EPRS1: variants seen among roughly 807,000 people sequenced by gnomAD.
EPRS1 encodes the protein bifunctional glutamate/proline--tRNA ligase.
In EPRS1, 107 loss-of-function variants were observed where a neutral mutation model predicts 188.3. The observed-to-expected ratio is 0.57, with a 90% CI of 0.49 to 0.67. EPRS1 has a LOEUF of 0.67. Ranked by LOEUF, EPRS1 falls within the 30% of genes least tolerant of loss-of-function variation. The pLI is 0.00. For missense variants in EPRS1, 1,577 were observed against 1,802.2 expected (o/e 0.88, Z 2.26); for synonymous variants, 596 against 593.1 (o/e 1.00, Z -0.07).
At chr1:220,020,567 T>A (rs1661850553) in intron 9 of EPRS1, among the ~76,000 whole-genome samples, 1 of 151,720 alleles carries the variant, frequency 6.6e-6, no homozygotes, top group South Asian at 2.1e-4. Flanking sequence ...TTTAAGGAAA[T>A]TTAGCTTTTG....
chr1:219,977,017 G>T (rs556490454), intron 28 of EPRS1, among the ~76,000 whole-genome samples: 6 of 152,032 alleles, frequency 3.9e-5, no homozygotes, highest in Non-Finnish European at 7.4e-5. Context: ...CTGGGTTCTG[G>T]CCTCACAATC....
At chr1:220,042,292 GGA>G (rs1392450677) in intron 1 of EPRS1, among the ~76,000 whole-genome samples, 1 of 151,050 alleles carries the variant, frequency 6.6e-6, no homozygotes, top group Non-Finnish European at 1.5e-5. Context: ...AGACCAGCCT[GGA>G]CAACATGGTG....
At chr1:219,969,370 A>G (rs2102556626) in intron 30 of EPRS1, 1 of 459,742 alleles carries the variant, frequency 2.2e-6, no homozygotes, top group East Asian at 3.8e-5. Context: ...ACATCTTTGC[A>G]GTACCCTCAA....
chr1:220,005,391 T>C (rs768484581), intron 15 of EPRS1, 31 bp from the exon 16 acceptor site: 2 of 1,117,572 alleles, frequency 1.8e-6, no homozygotes, highest in South Asian at 2.8e-5. Flanking sequence ...AAAGTACACT[T>C]TCTCAAAATC....
At chr1:220,021,101 T>C (rs1430901826) in intron 9 of EPRS1, among the ~76,000 whole-genome samples, 7 of 151,956 alleles carry the variant, frequency 4.6e-5, no homozygotes. Context: ...CAGGCTGGTC[T>C]CAAACTCCTG....
chr1:219,982,668 C>T (rs1660921411), intron 23 of EPRS1, 104 bp downstream of exon 23: 3 of 843,106 alleles, frequency 3.6e-6, no homozygotes, highest in Non-Finnish European at 5.9e-6. Flanking sequence ...GTTATATCGT[C>T]AACAGAGATT....
At position 219,968,680 on chromosome 1, in the gene EPRS1, C is replaced by T. The variant is rs148290712; in HGVS notation, c.*126G>A. ...TTAACTTAGGCATAAGAATAATTGT[C>T]CTGTGTGACTTCATTTTAGAACTTT... On this transcript the variant is annotated 3_prime_UTR_variant, in exon 32 of 32. Transcript: ENST00000366923. 789 of 869,202 alleles carry T rather than the reference C, an allele frequency of 9.1e-4. 6 individuals carry two copies. In the African/African-American group the frequency reaches 0.013, roughly 14 times the overall value. 53.8% of individuals were successfully genotyped at this position (869,202 alleles called of 1,614,324 possible). A position where few individuals can be genotyped will look rare whatever the true frequency, so the allele number is the denominator to read the frequency against.
chr1:220,008,175 T>TA (rs1193821828), intron 13 of EPRS1, among the ~76,000 whole-genome samples: 2 of 136,810 alleles, frequency 1.5e-5, no homozygotes, highest in African/African-American at 5.6e-5. Flanking sequence ...AAGGAGAAAA[T>TA]AAGTCATTCT....
intron 18 of EPRS1, among the ~76,000 whole-genome samples, chr1:219,991,004 A>C (rs1386871530): frequency 6.6e-6 from 1 of 152,216 alleles, no homozygotes; most frequent in African/African-American, 2.4e-5. Context: ...TGAGAAAAGA[A>C]ACAACCTATA....
intron 28 of EPRS1, 133 bp from the exon 29 acceptor site, chr1:219,973,531 G>GA (rs34026037): frequency 0.36 from 124,726 of 350,642 alleles, 15,544 homozygotes; most frequent in South Asian, 0.39. Flanking sequence ...AAAAACAAGA[G>GA]AAAAAAAAAA....
At chr1:219,982,406 T>C (rs1441353301) in intron 23 of EPRS1, 1 of 159,676 alleles carries the variant, frequency 6.3e-6, no homozygotes, top group Non-Finnish European at 1.4e-5. Context: ...AATGCAAACC[T>C]AAATGTATTA....
chr1:220,018,841 A>T (rs1334979841), intron 11 of EPRS1, among the ~76,000 whole-genome samples, 154 bp downstream of exon 11: 2 of 112,392 alleles, frequency 1.8e-5, no homozygotes, highest in African/African-American at 6.0e-5. Context: ...AAAAAAAAAA[A>T]GTTTGTTTTA....
At chr1:219,978,769 G>A (rs776484074) in intron 27 of EPRS1, 50 bp from the exon 28 acceptor site, 2 of 1,448,186 alleles carry the variant, frequency 1.4e-6, no homozygotes, top group Non-Finnish European at 1.9e-6. Context: ...AGATATAGAA[G>A]TAATGAGCTC....
At chr1:219,983,616 G>A (rs948798026) in intron 21 of EPRS1, among the ~76,000 whole-genome samples, 2 of 152,090 alleles carry the variant, frequency 1.3e-5, no homozygotes, top group African/African-American at 4.8e-5. Context: ...AATTCCACCG[G>A]GCATTGTGGC....
intron 6 of EPRS1, among the ~76,000 whole-genome samples, chr1:220,027,798 C>T (rs1662011205): frequency 6.6e-6 from 1 of 151,846 alleles, no homozygotes; most frequent in Non-Finnish European, 1.5e-5. Flanking sequence ...GGCTGACCAA[C>T]ATGGCGGAAC....
At position 219,988,815 on chromosome 1, in the gene EPRS1, T is replaced by G. The variant is rs368972865; in HGVS notation, c.2550A>C (p.Ile850=). The G allele has an allele frequency of 6.3e-7, 1 of 1,580,206 alleles. No individual in the cohort carries two copies. Among genetic ancestry groups the G allele is most frequent in the African/African-American group, 1.4e-5 (1 of 73,448 alleles). The change falls in exon 19 of 32, where the codon ATA becomes ATC. Residue 850 remains isoleucine, a synonymous_variant. Coordinates refer to ENST00000366923, the MANE Select transcript of EPRS1 (RefSeq NM_004446.3). ...LKAEKSPKAK[I]NEAVECLLSL... ...ACAGTAAGCATTCTACAGCTTCATT[T>G]ATTTTAGCCTAAAATAAAAGAGAGA...
In EPRS1 at chr1:219,983,254, G is replaced by C. The variant is rs1660933689; in HGVS notation, c.3235C>G (p.Pro1079Ala). 1 of 1,613,954 alleles carries C rather than the reference G, an allele frequency of 6.2e-7. No individual in the cohort carries two copies. The highest frequency in any genetic ancestry group is 1.3e-5 in the African/African-American group (1 of 74,910). Residue 1079 changes from proline (P) to alanine (A), a missense_variant, in exon 22 of 32, where the codon CCC becomes GCC. Around this residue, in one of 3 missense-constraint regions of EPRS1, gnomAD observed 1,278 missense variants for 1,457.4 expected, o/e 0.88. Transcript: ENST00000366923. ...KKLGVENCYFPMFVSQSALEK... is the reference protein window; with the variant it reads ...KKLGVENCYFAMFVSQSALEK... Reference sequence around the variant, plus strand: ...AATGCACTTTGAGACACAAACATGGGGAAGTAGCAGTTTTCAACACCAAGT... The same window carrying C: ...AATGCACTTTGAGACACAAACATGGCGAAGTAGCAGTTTTCAACACCAAGT...
chr1:220,040,128 C>A, intron 2 of EPRS1, 57 bp downstream of exon 2: 1 of 1,167,612 alleles, frequency 8.6e-7, no homozygotes, highest in Non-Finnish European at 1.3e-6. Flanking sequence ...TCTAAAAAAA[C>A]TCTAAAAAAA....
In EPRS1 at chr1:220,011,070, A is replaced by G; in HGVS notation, c.1495-14T>C. On this transcript the variant is annotated splice_polypyrimidine_tract_variant and intron_variant, in intron 12 of 31. Transcript: ENST00000366923. ...TGGGTCAATAACCTGCAACAAATAC[A>G]TCCTCATGTTAAAACACTGCGATAT... 2 of 1,436,970 alleles carry G rather than the reference A, an allele frequency of 1.4e-6. No individual in the cohort carries two copies. Among genetic ancestry groups the G allele is most frequent in the Non-Finnish European group, 2.0e-6 (2 of 1,018,734 alleles). The allele number at this position is 1,436,970 out of a possible 1,614,324, so 89.0% of individuals were successfully genotyped here.
Sources: gnomAD v4.1 joint callset for allele counts (sites outside exome capture counted in the v4.1 genomes callset) on GRCh38, gnomAD v4.1.1 for gene constraint, gnomAD v4.1.1 regional missense constraint, MANE v1.5 for transcripts, NCBI Gene and HGNC (gene_info 2026-07-23, HGNC 2026-07-21) for gene names.